The following CDC42SE2 variants were observed in gnomAD, a reference collection of about 807,000 sequenced individuals.
CDC42SE2 encodes the protein CDC42 small effector 2.
Under a neutral mutation model 11.5 loss-of-function variants are expected in CDC42SE2, and 3 were observed. That is an observed-to-expected ratio of 0.26 (90% CI 0.12 to 0.67). The LOEUF (loss-of-function observed/expected upper bound fraction) is 0.67, where lower values mean the gene tolerates loss of function less well. CDC42SE2 is among the 30% of genes least tolerant of loss of function. The probability of loss-of-function intolerance (pLI) is 0.80; values close to 1 mark genes in which losing one functional copy is unlikely to be tolerated. For synonymous variants in CDC42SE2, 33 were observed against 34.8 expected (o/e 0.95, Z 0.18); for missense variants, 82 against 106.8 (o/e 0.77, Z 1.02).
At chr5:131,295,794 T>G (rs1332136542) in intron 1 of CDC42SE2, among the ~76,000 whole-genome samples, 2 of 151,982 alleles carry the variant, frequency 1.3e-5, no homozygotes, top group Non-Finnish European at 2.9e-5. Flanking sequence ...GCCATTCTCC[T>G]GCCTCAGCCT....
intron 3 of CDC42SE2, among the ~76,000 whole-genome samples, chr5:131,376,119 AT>A (rs1398934431): frequency 2.6e-5 from 4 of 152,066 alleles, no homozygotes; most frequent in Non-Finnish European, 5.9e-5. Context: ...CATGCCTGTA[AT>A]TCCAGCTACT....
At chr5:131,390,898 A>G in intron 4 of CDC42SE2, 95 bp from the exon 5 acceptor site, 1 of 738,660 alleles carries the variant, frequency 1.4e-6, no homozygotes, top group Non-Finnish European at 2.2e-6. Flanking sequence ...TGAAAAAAGC[A>G]GCCCAAATAA....
rs528010979 is a variant in CDC42SE2, at chr5:131,312,645, C to T, written c.-454-3331C>T. On this transcript the variant is annotated intron_variant, in intron 1 of 4. Coordinates refer to ENST00000505065, the MANE Select transcript of CDC42SE2 (RefSeq NM_001375635.1). ...AGGCGCGGGATATAATCTCGTGGTG[C>T]GCTGTTTTTTAAGCCCCTCGGAAAA... 1.1e-3 allele frequency among the ~76,000 whole-genome samples: 168 copies of T among 152,260 alleles called. 1 individual carries two copies. The highest frequency in any genetic ancestry group is 2.3e-3 in the African/African-American group (97 of 41,560).
chr5:131,321,913 C>T (rs1226153846), intron 2 of CDC42SE2, among the ~76,000 whole-genome samples: 6 of 152,138 alleles, frequency 3.9e-5, no homozygotes, highest in South Asian at 4.1e-4. Context: ...TGCGGTGACG[C>T]GATGTCGGCT....
chr5:131,257,278 G>A (rs1212491138), intron 2 of CDC42SE2, among the ~76,000 whole-genome samples: 5 of 151,962 alleles, frequency 3.3e-5, no homozygotes, highest in Non-Finnish European at 7.4e-5. Flanking sequence ...TATTATTTTA[G>A]TAGAGAAGTG....
intron 2 of CDC42SE2, among the ~76,000 whole-genome samples, chr5:131,347,007 G>T (rs1049280675): frequency 6.6e-6 from 1 of 152,136 alleles, no homozygotes; most frequent in Non-Finnish European, 1.5e-5. Context: ...AGTGTGTAGA[G>T]GGAAATTTAT....
chr5:131,295,555 A>G (rs1366448184), intron 1 of CDC42SE2, among the ~76,000 whole-genome samples: 4 of 152,218 alleles, frequency 2.6e-5, no homozygotes, highest in East Asian at 1.9e-4. Flanking sequence ...CGTCACATAC[A>G]TAAGTATATA....
At chr5:131,313,869 C>T (rs1413001808) in intron 1 of CDC42SE2, among the ~76,000 whole-genome samples, 1 of 151,964 alleles carries the variant, frequency 6.6e-6, no homozygotes, top group Non-Finnish European at 1.5e-5. Flanking sequence ...ACTCTGTCAC[C>T]CTGGCCGTAG....
chr5:131,359,673 T>G, intron 3 of CDC42SE2, 126 bp downstream of exon 3: 1 of 749,732 alleles, frequency 1.3e-6, no homozygotes. Context: ...CAGAGAATAG[T>G]TCAGTGGAAC....
At chr5:131,307,465 A>G (rs1462428681) in intron 1 of CDC42SE2, among the ~76,000 whole-genome samples, 2 of 152,032 alleles carry the variant, frequency 1.3e-5, no homozygotes, top group Admixed American at 6.6e-5. Flanking sequence ...CCAGTCTATC[A>G]TTGTTGGACA....
At chr5:131,250,483 A>T (rs866539372) in intron 1 of CDC42SE2, among the ~76,000 whole-genome samples, 1 of 152,356 alleles carries the variant, frequency 6.6e-6, no homozygotes, top group South Asian at 2.1e-4. Context: ...TCTGAAAATC[A>T]TATTGTTATT....
chr5:131,381,179 C>T (rs1416663492), intron 3 of CDC42SE2, among the ~76,000 whole-genome samples: 1 of 152,182 alleles, frequency 6.6e-6, no homozygotes, highest in Non-Finnish European at 1.5e-5. Context: ...TGGTGATTCT[C>T]AGTCTCTTAT....
Position 131,317,688 on chromosome 5 carries a change from T to A in CDC42SE2, c.-286+1544T>A, listed in dbSNP as rs1157178531. Among the ~76,000 whole-genome samples, 3 of 152,252 alleles carry A rather than the reference T, an allele frequency of 2.0e-5. No homozygotes were observed. The East Asian group carries it at 5.8e-4, about 29-fold the overall frequency. ...TTCTATCTTTTCTTTTAAATCTTGT[T>A]ATTATAATCTTGAAAAAGTATGGAA... On this transcript the variant is annotated intron_variant, in intron 2 of 4. Transcript: ENST00000505065.
chr5:131,273,384 G>A (rs981210977), intron 1 of CDC42SE2, among the ~76,000 whole-genome samples: 5 of 150,070 alleles, frequency 3.3e-5, no homozygotes, highest in African/African-American at 1.2e-4. Context: ...TCAAACTCTT[G>A]ACTTCAAGTG....
At chr5:131,307,702 A>G (rs1402876168) in intron 1 of CDC42SE2, among the ~76,000 whole-genome samples, 6 of 151,992 alleles carry the variant, frequency 3.9e-5, no homozygotes, top group Admixed American at 2.0e-4. Flanking sequence ...AAGTGTTCCT[A>G]TTTCTCCACA....
Position 131,335,905 on chromosome 5 carries a change from G to A in CDC42SE2, c.-286+19761G>A, listed in dbSNP as rs527539872. Among the ~76,000 whole-genome samples the A allele has an allele frequency of 7.2e-5, 11 of 152,236 alleles. No individual in the cohort carries two copies. In the South Asian group the frequency reaches 2.3e-3, roughly 32 times the overall value. ...TCTCCTGAATACAGCACACTGACGG[G>A]TCTTGACTCTTTATCCAATTTGCCA... is the stretch of plus-strand genomic sequence containing the variant. On this transcript the variant is annotated intron_variant, in intron 2 of 4. Coordinates refer to ENST00000505065, the MANE Select transcript of CDC42SE2 (RefSeq NM_001375635.1).
At chr5:131,352,007 A>G (rs758198621) in intron 2 of CDC42SE2, among the ~76,000 whole-genome samples, 6 of 152,202 alleles carry the variant, frequency 3.9e-5, no homozygotes, top group Non-Finnish European at 7.3e-5. Flanking sequence ...TACCCAAAGA[A>G]AATACATGAA....
intron 2 of CDC42SE2, among the ~76,000 whole-genome samples, chr5:131,350,607 T>TTGTG (rs753402237): frequency 0.018 from 2,532 of 141,760 alleles, 42 homozygotes; most frequent in African/African-American, 0.037. Flanking sequence ...AAAATTTATT[T>TTGTG]TGTGTGTGTG....
chr5:131,286,366 G>A (rs542035283), intron 1 of CDC42SE2, among the ~76,000 whole-genome samples: 1 of 147,422 alleles, frequency 6.8e-6, no homozygotes, highest in East Asian at 2.0e-4. Flanking sequence ...TTATAGGCAT[G>A]AGCAAATGCA....
Sources: allele counts gnomAD v4.1 joint callset (sites outside exome capture counted in the v4.1 genomes callset), GRCh38; gene constraint gnomAD v4.1.1; transcripts MANE v1.5; gene names NCBI Gene and HGNC (gene_info 2026-07-23, HGNC 2026-07-21).